CDC42BPA: variants seen among roughly 807,000 people sequenced by gnomAD.
The protein encoded by CDC42BPA is CDC42 binding protein kinase alpha.
Under a neutral mutation model 223.5 loss-of-function variants are expected in CDC42BPA, and 80 were observed. The ratio of observed to expected loss-of-function variants is 0.36; its 90% confidence interval spans 0.30 to 0.43. CDC42BPA has a LOEUF of 0.43. CDC42BPA is among the 20% of genes least tolerant of loss of function. The pLI is 1.00. For synonymous variants in CDC42BPA, 694 were observed against 718.6 expected (o/e 0.97, Z 0.55); for missense variants, 1,743 against 2,099.9 (o/e 0.83, Z 3.32).
intron 17 of CDC42BPA, among the ~76,000 whole-genome samples, chr1:227,077,118 C>G (rs748442435): frequency 5.3e-4 from 80 of 152,128 alleles, no homozygotes; most frequent in Admixed American, 3.1e-3. Context: ...AGGGACAGTT[C>G]CTGAAAAGTT....
chr1:227,128,517 T>C (rs1656327141), intron 11 of CDC42BPA, among the ~76,000 whole-genome samples: 1 of 152,206 alleles, frequency 6.6e-6, no homozygotes, highest in Admixed American at 6.5e-5. Flanking sequence ...TTTTGCTTAA[T>C]GTTGAATCCC....
intron 1 of CDC42BPA, among the ~76,000 whole-genome samples, chr1:227,276,944 C>A (rs1231456569): frequency 6.6e-6 from 1 of 151,980 alleles, no homozygotes; most frequent in Non-Finnish European, 1.5e-5. Context: ...CTGCGGAAGG[C>A]CGCAGGGTCC....
intron 8 of CDC42BPA, among the ~76,000 whole-genome samples, chr1:227,144,351 C>T (rs1027193078): frequency 3.3e-5 from 5 of 151,892 alleles, no homozygotes; most frequent in East Asian, 3.9e-4. Flanking sequence ...CTGAGGAGGG[C>T]GGATCACAAG....
intron 35 of CDC42BPA, among the ~76,000 whole-genome samples, chr1:227,003,840 CAAAA>C (rs776989591): frequency 2.3e-4 from 35 of 151,128 alleles, no homozygotes; most frequent in Non-Finnish European, 4.4e-4. Flanking sequence ...AACAAACAAA[CAAAA>C]AAAACGGAGA....
At chr1:227,056,370 CCA>C (rs1674553060) in intron 21 of CDC42BPA, among the ~76,000 whole-genome samples, 1 of 150,130 alleles carries the variant, frequency 6.7e-6, no homozygotes, top group South Asian at 2.1e-4. Flanking sequence ...TTAAAAAGTC[CCA>C]GTTTCTTTTC....
chr1:227,064,604 AAG>A (rs1353569359), intron 21 of CDC42BPA, among the ~76,000 whole-genome samples: 1 of 152,120 alleles, frequency 6.6e-6, no homozygotes, highest in African/African-American at 2.4e-5. Context: ...TACCTAGAGA[AAG>A]AGGCTGGGGC....
chr1:227,156,983 T>G (rs555486656), intron 6 of CDC42BPA, among the ~76,000 whole-genome samples: 1 of 152,294 alleles, frequency 6.6e-6, no homozygotes, highest in East Asian at 1.9e-4. Flanking sequence ...ACTACCCACT[T>G]CTCACTTTAT....
rs540838475 is a variant in CDC42BPA, at chr1:227,194,014, G to T, written c.451-80C>A. 7.9e-6 allele frequency: 7 copies of T among 890,532 alleles called. No individual in the cohort carries two copies. In the Admixed American group the frequency reaches 8.7e-5, roughly 11 times the overall value. 55.2% of individuals were successfully genotyped at this position (890,532 alleles called of 1,614,324 possible). ...ATATACTGTATCCCAAGGTCAACAG[G>T]ACTGGGTCAAATATTTATGCAGTTA... On this transcript the variant is annotated intron_variant, in intron 4 of 36. Coordinates refer to ENST00000366766, the MANE Select transcript of CDC42BPA (RefSeq NM_001394014.1).
intron 3 of CDC42BPA, among the ~76,000 whole-genome samples, chr1:227,209,215 A>G (rs902103886): frequency 1.4e-5 from 2 of 146,222 alleles, no homozygotes; most frequent in Admixed American, 7.0e-5. Flanking sequence ...TTGTATCCTG[A>G]GACTTTGCTG....
intron 6 of CDC42BPA, among the ~76,000 whole-genome samples, chr1:227,152,414 G>A (rs556454419): frequency 1.7e-4 from 26 of 152,136 alleles, no homozygotes; most frequent in African/African-American, 5.3e-4. Context: ...AGTGTTACAC[G>A]TTGAGTTAAT....
intron 8 of CDC42BPA, among the ~76,000 whole-genome samples, chr1:227,144,330 A>G (rs1055527698): frequency 2.0e-5 from 3 of 152,188 alleles, no homozygotes; most frequent in Admixed American, 6.5e-5. Context: ...TAATCCCAGC[A>G]CTTTGGGAGG....
intron 14 of CDC42BPA, 41 bp downstream of exon 14, chr1:227,112,271 G>A (rs1291634384): frequency 1.6e-6 from 2 of 1,234,144 alleles, no homozygotes; most frequent in Admixed American, 4.1e-5. Context: ...CTAAAGAGAA[G>A]AAAATCAATT....
At chr1:227,175,355 G>C (rs1666766976) in intron 5 of CDC42BPA, among the ~76,000 whole-genome samples, 1 of 151,938 alleles carries the variant, frequency 6.6e-6, no homozygotes, top group South Asian at 2.1e-4. Context: ...CCTCCAGAGA[G>C]ACATCATAAA....
intron 16 of CDC42BPA, among the ~76,000 whole-genome samples, chr1:227,087,861 T>C (rs185651957): frequency 2.0e-5 from 3 of 152,304 alleles, no homozygotes; most frequent in East Asian, 3.9e-4. Context: ...TTTTTGAGAG[T>C]TGTATGTGCA....
chr1:227,074,080 G>T, intron 18 of CDC42BPA, 68 bp from the exon 19 acceptor site: 1 of 1,527,096 alleles, frequency 6.5e-7, no homozygotes, highest in East Asian at 2.3e-5. Flanking sequence ...TAGTTAACCA[G>T]CTGTGTGTTA....
intron 24 of CDC42BPA, 45 bp from the exon 25 acceptor site, chr1:227,035,652 CAAA>C (rs755583265): frequency 6.6e-7 from 1 of 1,504,506 alleles, no homozygotes; most frequent in African/African-American, 1.4e-5. Flanking sequence ...TTCATTTTAA[CAAA>C]AAGAAAATTC....
intron 1 of CDC42BPA, among the ~76,000 whole-genome samples, chr1:227,270,664 A>G (rs1161739644): frequency 1.3e-5 from 2 of 152,200 alleles, no homozygotes; most frequent in Non-Finnish European, 2.9e-5. Flanking sequence ...TTGTACAAAC[A>G]TTAGGATCAC....
chr1:227,024,812 T>C (rs1409873949), intron 31 of CDC42BPA, among the ~76,000 whole-genome samples: 4 of 152,218 alleles, frequency 2.6e-5, no homozygotes, highest in African/African-American at 9.7e-5. Flanking sequence ...AAGCACAACA[T>C]GACGCAGTTT....
chr1:227,199,408 A>G (rs1451055807), intron 4 of CDC42BPA, 149 bp downstream of exon 4: 5 of 505,910 alleles, frequency 9.9e-6, no homozygotes, highest in Non-Finnish European at 1.7e-5. Flanking sequence ...GGAGAAAAAA[A>G]AACACCACAT....
Sources: gnomAD v4.1 joint callset for allele counts (sites outside exome capture counted in the v4.1 genomes callset) on GRCh38, gnomAD v4.1.1 for gene constraint, MANE v1.5 for transcripts, NCBI Gene and HGNC (gene_info 2026-07-23, HGNC 2026-07-21) for gene names.